Variants in MALRD1 observed in about 807,000 individuals in gnomAD.
MALRD1 encodes MAM and LDL-receptor class A domain-containing protein 1.
MALRD1 carries 247 observed loss-of-function variants against 242.1 expected under a neutral mutation model. That is an observed-to-expected ratio of 1.02 (90% CI 0.92 to 1.13). The LOEUF is 1.13. Ranked by LOEUF, MALRD1 falls within the 50% of genes most tolerant of loss-of-function variation. The pLI is 0.00. For missense variants in MALRD1, 2,989 were observed against 2,533.1 expected (o/e 1.18, Z -3.86); for synonymous variants, 995 against 866.6 (o/e 1.15, Z -2.60).
At chr10:19,448,312 T>G in intron 28 of MALRD1, among the ~76,000 whole-genome samples, 1 of 152,232 alleles carries the variant, frequency 6.6e-6, no homozygotes, top group East Asian at 1.9e-4. Context: ...TTCTCTAGTC[T>G]ACTTTTTTGA....
At chr10:19,459,676 C>T (rs11599897) in intron 29 of MALRD1, among the ~76,000 whole-genome samples, 47,046 of 151,754 alleles carry the variant, frequency 0.31, 7,853 homozygotes, top group East Asian at 0.41. Flanking sequence ...CCATTTGTTA[C>T]GTACCTTGAA....
chr10:19,228,627 A>T (rs1837902236), intron 18 of MALRD1, among the ~76,000 whole-genome samples: 1 of 152,116 alleles, frequency 6.6e-6, no homozygotes, highest in South Asian at 2.1e-4. Flanking sequence ...ATAGAGTGGA[A>T]ATCTGCTGAG....
intron 28 of MALRD1, among the ~76,000 whole-genome samples, chr10:19,397,530 T>C (rs918935447): frequency 2.0e-5 from 3 of 152,180 alleles, no homozygotes; most frequent in Non-Finnish European, 4.4e-5. Flanking sequence ...CTATTGTGAA[T>C]AGTGCTACAA....
At chr10:19,320,837 C>G (rs555803144) in intron 21 of MALRD1, among the ~76,000 whole-genome samples, 64 of 152,112 alleles carry the variant, frequency 4.2e-4, no homozygotes, top group African/African-American at 1.5e-3. Context: ...TGATGATGAG[C>G]TTTTTTTCAA....
At chr10:19,292,892 C>CAAAAAAAAAAAAA in intron 21 of MALRD1, among the ~76,000 whole-genome samples, 1 of 72,862 alleles carries the variant, frequency 1.4e-5, no homozygotes, top group Non-Finnish European at 2.6e-5. Flanking sequence ...GACTCTGCCT[C>CAAAAAAAAAAAAA]AAAAAAAAAA....
chr10:19,409,418 G>T (rs1461941747), intron 28 of MALRD1, among the ~76,000 whole-genome samples: 1 of 151,982 alleles, frequency 6.6e-6, no homozygotes, highest in Non-Finnish European at 1.5e-5. Flanking sequence ...TCATGCCAAT[G>T]CACTCTAGCC....
intron 33 of MALRD1, among the ~76,000 whole-genome samples, chr10:19,568,297 AG>A (rs1836348154): frequency 6.6e-6 from 1 of 152,138 alleles, no homozygotes; most frequent in Admixed American, 6.6e-5. Context: ...ATTAAATAGT[AG>A]GGTCATTGTC....
intron 33 of MALRD1, among the ~76,000 whole-genome samples, chr10:19,594,837 A>G (rs1188021630): frequency 6.6e-6 from 1 of 152,096 alleles, no homozygotes; most frequent in Admixed American, 6.5e-5. Context: ...TCAAGGGGAA[A>G]GATTGGGCAT....
At chr10:19,398,657 T>C (rs1281305567) in intron 28 of MALRD1, among the ~76,000 whole-genome samples, 1 of 152,202 alleles carries the variant, frequency 6.6e-6, no homozygotes, top group Non-Finnish European at 1.5e-5. Context: ...TATAACTCTC[T>C]TGAAAATTAA....
At chr10:19,555,190 A>C (rs1274146535) in intron 32 of MALRD1, among the ~76,000 whole-genome samples, 1 of 151,920 alleles carries the variant, frequency 6.6e-6, no homozygotes. Flanking sequence ...ACCAGCAAGA[A>C]CTCACTTATT....
At chr10:19,353,490 G>T (rs529480682) in intron 26 of MALRD1, among the ~76,000 whole-genome samples, 2 of 152,244 alleles carry the variant, frequency 1.3e-5, no homozygotes, top group East Asian at 3.9e-4. Flanking sequence ...TGCCTTCCCC[G>T]TTTATTTCAA....
chr10:19,106,507 T>A (rs1836468875), intron 5 of MALRD1, among the ~76,000 whole-genome samples: 1 of 151,954 alleles, frequency 6.6e-6, no homozygotes, highest in African/African-American at 2.4e-5. Context: ...TCTCTCATTT[T>A]ATTTGAATCT....
chr10:19,232,365 A>G (rs1463903722), intron 18 of MALRD1, among the ~76,000 whole-genome samples: 1 of 146,166 alleles, frequency 6.8e-6, no homozygotes. Flanking sequence ...TTTAGTAGAG[A>G]TGGGGTTTCA....
At chr10:19,555,300 A>G (rs536313982) in intron 32 of MALRD1, among the ~76,000 whole-genome samples, 1 of 152,244 alleles carries the variant, frequency 6.6e-6, no homozygotes, top group African/African-American at 2.4e-5. Context: ...ACATTTCAAC[A>G]TGAGATTTGG....
At chr10:19,631,191 G>A (rs1839882317) in intron 36 of MALRD1, among the ~76,000 whole-genome samples, 1 of 152,080 alleles carries the variant, frequency 6.6e-6, no homozygotes, top group South Asian at 2.1e-4. Flanking sequence ...TCCCCTCTAT[G>A]TGTCCATGTG....
intron 33 of MALRD1, among the ~76,000 whole-genome samples, chr10:19,581,529 T>G (rs370908874): frequency 1.1e-4 from 16 of 151,498 alleles, no homozygotes; most frequent in Admixed American, 7.9e-4. Context: ...TTCATCCATG[T>G]CCCTACAAAG....
intron 19 of MALRD1, among the ~76,000 whole-genome samples, chr10:19,273,140 T>C (rs1234740111): frequency 6.6e-6 from 1 of 152,132 alleles, no homozygotes; most frequent in Non-Finnish European, 1.5e-5. Context: ...TAATTTACAC[T>C]CCCACCCAAA....
chr10:19,725,761 A>C (rs764791487), intron 38 of MALRD1, among the ~76,000 whole-genome samples: 2 of 152,230 alleles, frequency 1.3e-5, no homozygotes, highest in Non-Finnish European at 2.9e-5. Flanking sequence ...AATTGAATTG[A>C]ACTGAATTGA....
chr10:19,651,807 T>A (rs1472005088), intron 36 of MALRD1, among the ~76,000 whole-genome samples: 2 of 152,232 alleles, frequency 1.3e-5, no homozygotes, highest in African/African-American at 4.8e-5. Context: ...CTGGGCATGA[T>A]GTCAGGGCTC....
Sources: gnomAD v4.1 joint callset for allele counts (sites outside exome capture counted in the v4.1 genomes callset) on GRCh38, gnomAD v4.1.1 for gene constraint, MANE v1.5 for transcripts, NCBI Gene and HGNC (gene_info 2026-07-23, HGNC 2026-07-21) for gene names.